FBXL13: variants seen among roughly 807,000 people sequenced by gnomAD.
The protein encoded by FBXL13 is F-box and leucine-rich repeat protein 13.
Under a neutral mutation model 83.6 loss-of-function variants are expected in FBXL13, and 67 were observed. The observed-to-expected ratio is 0.80, with a 90% confidence interval of 0.66 to 0.98. The LOEUF is 0.98. Among genes scored for constraint, FBXL13 ranks in the 50% least tolerant of loss-of-function variants. The pLI is 0.00. For missense variants in FBXL13, 822 were observed against 866.5 expected (o/e 0.95, Z 0.64); for synonymous variants, 272 against 299.5 (o/e 0.91, Z 0.95).
intron 1 of FBXL13, among the ~76,000 whole-genome samples, chr7:103,067,756 T>G (rs2129504134): frequency 6.6e-6 from 1 of 152,246 alleles, no homozygotes; most frequent in East Asian, 1.9e-4. Flanking sequence ...AATAATATTC[T>G]GTCAACTCCC....
At chr7:102,946,610 G>A (rs933306470) in intron 8 of FBXL13, among the ~76,000 whole-genome samples, 3 of 151,894 alleles carry the variant, frequency 2.0e-5, no homozygotes, top group Admixed American at 2.0e-4. Flanking sequence ...CAGAGCTAAC[G>A]CTTCAGTAAA....
intron 11 of FBXL13, among the ~76,000 whole-genome samples, chr7:102,885,657 T>C (rs1810696066): frequency 6.6e-6 from 1 of 152,218 alleles, no homozygotes; most frequent in Non-Finnish European, 1.5e-5. Flanking sequence ...CTTTTGTTGT[T>C]CATGCTTTTG....
intron 6 of FBXL13, among the ~76,000 whole-genome samples, chr7:102,980,692 G>A (rs1194131547): frequency 1.3e-5 from 2 of 152,046 alleles, no homozygotes; most frequent in African/African-American, 4.8e-5. Flanking sequence ...CAGGAGAATG[G>A]TGTGAACCTG....
chr7:102,915,885 G>C (rs780137470), intron 10 of FBXL13, among the ~76,000 whole-genome samples: 1 of 152,088 alleles, frequency 6.6e-6, no homozygotes, highest in Non-Finnish European at 1.5e-5. Flanking sequence ...GAATATATTT[G>C]TGATTTATAT....
At chr7:102,944,411 A>G (rs1822069454) in intron 8 of FBXL13, 1 of 1,613,910 alleles carries the variant, frequency 6.2e-7, no homozygotes, top group Admixed American at 1.7e-5. Flanking sequence ...AATGGCCTGG[A>G]ATGCAAAACG....
chr7:102,832,904 A>G (rs777321442), exon 18 of FBXL13: 1 of 1,614,222 alleles, frequency 6.2e-7, no homozygotes, highest in South Asian at 1.1e-5. Flanking sequence ...TGCTTTGATA[A>G]TCATATCTGA....
At chr7:102,842,811 CAGAGT>C (rs1803195406) in intron 17 of FBXL13, among the ~76,000 whole-genome samples, 1 of 152,296 alleles carries the variant, frequency 6.6e-6, no homozygotes, top group Admixed American at 6.5e-5. Flanking sequence ...ACAGATAGTC[CAGAGT>C]ACAAGACTCA....
chr7:102,876,806 G>A (rs1809338009), intron 16 of FBXL13, among the ~76,000 whole-genome samples: 1 of 152,094 alleles, frequency 6.6e-6, no homozygotes, highest in Non-Finnish European at 1.5e-5. Flanking sequence ...AAGGATATAG[G>A]ATATAAGATA....
chr7:103,036,432 T>C (rs1044729748), intron 2 of FBXL13, among the ~76,000 whole-genome samples: 5 of 152,288 alleles, frequency 3.3e-5, no homozygotes, highest in African/African-American at 9.6e-5. Flanking sequence ...CATATCTTTA[T>C]ATATAGCAGC....
chr7:102,839,267 C>T (rs981753411), intron 17 of FBXL13, among the ~76,000 whole-genome samples: 1 of 152,136 alleles, frequency 6.6e-6, no homozygotes, highest in African/African-American at 2.4e-5. Flanking sequence ...TGACCTTCTC[C>T]CCACCATCAC....
intron 16 of FBXL13, among the ~76,000 whole-genome samples, chr7:102,866,882 C>T (rs1009348460): frequency 6.6e-6 from 1 of 152,214 alleles, no homozygotes; most frequent in Non-Finnish European, 1.5e-5. Flanking sequence ...TGGGATGGTC[C>T]TGTCTCTGCT....
chr7:103,016,911 C>T (rs533596234), intron 6 of FBXL13, among the ~76,000 whole-genome samples: 10 of 152,314 alleles, frequency 6.6e-5, no homozygotes, highest in South Asian at 6.2e-4. Flanking sequence ...AGGGCATAGC[C>T]GAACAAAAGG....
chr7:102,830,208 CA>C (rs1800414888), intron 18 of FBXL13, among the ~76,000 whole-genome samples: 1 of 152,130 alleles, frequency 6.6e-6, no homozygotes, highest in African/African-American at 2.4e-5. Flanking sequence ...AACAAAAAAC[CA>C]AAGCAAACAA....
At chr7:102,919,752 C>A (rs556395530) in intron 10 of FBXL13, among the ~76,000 whole-genome samples, 1 of 152,260 alleles carries the variant, frequency 6.6e-6, no homozygotes, top group African/African-American at 2.4e-5. Flanking sequence ...TGTTTATCCT[C>A]CAAGATAATA....
At chr7:102,963,738 G>C (rs1456257672) in intron 7 of FBXL13, 73 bp from the exon 9 acceptor site, 1 of 1,424,902 alleles carries the variant, frequency 7.0e-7, no homozygotes, top group African/African-American at 1.4e-5. Context: ...AACAATAATA[G>C]ACAAATGTGA....
At chr7:102,817,369 C>T (rs898773656) in intron 19 of FBXL13, among the ~76,000 whole-genome samples, 11 of 152,138 alleles carry the variant, frequency 7.2e-5, no homozygotes, top group African/African-American at 2.7e-4. Context: ...TGATGTTGAG[C>T]ATTTTTTCAT....
intron 1 of FBXL13, among the ~76,000 whole-genome samples, chr7:103,058,403 T>C (rs6960968): frequency 0.011 from 1,673 of 152,324 alleles, 35 homozygotes; most frequent in African/African-American, 0.039. Flanking sequence ...GACAGTCATC[T>C]ATTACCTAAA....
intron 11 of FBXL13, among the ~76,000 whole-genome samples, chr7:102,901,945 T>C (rs867333575): frequency 1.8e-4 from 27 of 152,230 alleles, no homozygotes; most frequent in Non-Finnish European, 1.8e-4. Context: ...TTTGGGTATA[T>C]ACCCAGCAGT....
intron 19 of FBXL13, among the ~76,000 whole-genome samples, 165 bp from the exon 21 acceptor site, chr7:102,813,696 A>C (rs1236327159): frequency 6.6e-6 from 1 of 151,630 alleles, no homozygotes; most frequent in African/African-American, 2.4e-5. Context: ...GTGTACAAAT[A>C]AACAGGGTCC....
Sources: gnomAD v4.1 joint callset for allele counts (sites outside exome capture counted in the v4.1 genomes callset) on GRCh38, gnomAD v4.1.1 for gene constraint, MANE v1.5 for transcripts, NCBI Gene and HGNC (gene_info 2026-07-23, HGNC 2026-07-21) for gene names.